The following SPAG16 variants were observed in gnomAD, a reference collection of about 807,000 sequenced individuals.
SPAG16 encodes the protein sperm associated antigen 16.
In SPAG16, 86 loss-of-function variants were observed where a neutral mutation model predicts 80.4. That is an observed-to-expected ratio of 1.07 (90% CI 0.90 to 1.28). The LOEUF (loss-of-function observed/expected upper bound fraction) is 1.28, where lower values mean the gene tolerates loss of function less well. SPAG16 is among the 50% of genes most tolerant of loss of function. SPAG16 has a pLI of 0.00. For missense variants in SPAG16, 870 were observed against 765.3 expected, an observed-to-expected ratio of 1.14 and a Z score of -1.61; for synonymous variants, 294 against 265.9, an observed-to-expected ratio of 1.11 and a Z score of -1.03.
intron 14 of SPAG16, among the ~76,000 whole-genome samples, chr2:214,139,770 T>C (rs927803981): frequency 5.3e-5 from 8 of 152,192 alleles, no homozygotes; most frequent in East Asian, 1.9e-4. Context: ...TAGGGCTTTT[T>C]TGAGGCCTGT....
chr2:213,962,226 C>T (rs2044474036), intron 12 of SPAG16, among the ~76,000 whole-genome samples: 1 of 150,378 alleles, frequency 6.6e-6, no homozygotes, highest in Non-Finnish European at 1.5e-5. Context: ...TGGAGTCTCA[C>T]TCTGTTGCCC....
At chr2:213,858,959 T>C (rs1461282413) in intron 10 of SPAG16, among the ~76,000 whole-genome samples, 1 of 151,518 alleles carries the variant, frequency 6.6e-6, no homozygotes, top group African/African-American at 2.4e-5. Context: ...GGTGGGCGGA[T>C]CATGAGGTCA....
chr2:213,655,460 C>G (rs966594930), intron 10 of SPAG16, among the ~76,000 whole-genome samples: 2 of 152,146 alleles, frequency 1.3e-5, no homozygotes, highest in Non-Finnish European at 2.9e-5. Flanking sequence ...TCAAAATACT[C>G]CACTGTTTTA....
chr2:213,365,701 G>T (rs368301888), intron 8 of SPAG16, among the ~76,000 whole-genome samples: 6 of 151,670 alleles, frequency 4.0e-5, no homozygotes, highest in South Asian at 2.1e-4. Flanking sequence ...GAAGTGATCC[G>T]CCTGCCTCAG....
In SPAG16 at chr2:213,885,407, G is replaced by A. The variant is rs1189917593; in HGVS notation, c.1214+22779G>A. ...ACCTCCTCACCAGGTCCATTCTTGG[G>A]CCTTTGAGGAGCCTCTGCTACTGAT... On this transcript the variant is annotated intron_variant, in intron 11 of 15. Transcript: ENST00000331683. Among the ~76,000 whole-genome samples, 3 of 152,108 alleles carry A rather than the reference G, an allele frequency of 2.0e-5. No individual in the cohort carries two copies. In the East Asian group the frequency reaches 5.8e-4, roughly 29 times the overall value.
intron 14 of SPAG16, among the ~76,000 whole-genome samples, chr2:214,124,306 A>G (rs896649887): frequency 6.6e-6 from 1 of 150,382 alleles, no homozygotes; most frequent in Non-Finnish European, 1.5e-5. Flanking sequence ...ATATTTGACC[A>G]CTCAGACAAC....
intron 5 of SPAG16, among the ~76,000 whole-genome samples, chr2:213,328,817 G>A (rs1369942715): frequency 6.6e-6 from 1 of 152,086 alleles, no homozygotes; most frequent in African/African-American, 2.4e-5. Context: ...CCTGTTGATT[G>A]GTTTGGCTGT....
intron 10 of SPAG16, among the ~76,000 whole-genome samples, chr2:213,561,186 G>A (rs1035022281): frequency 6.6e-6 from 1 of 152,082 alleles, no homozygotes; most frequent in Non-Finnish European, 1.5e-5. Context: ...CTTTTGTCCA[G>A]TTTCCTCCAT....
intron 15 of SPAG16, among the ~76,000 whole-genome samples, chr2:214,186,204 G>T (rs1377259680): frequency 2.0e-5 from 3 of 152,106 alleles, no homozygotes; most frequent in Non-Finnish European, 2.9e-5. Flanking sequence ...TTCCACCACA[G>T]AACTGTGTTG....
At chr2:213,608,635 C>T (rs1327447021) in intron 10 of SPAG16, among the ~76,000 whole-genome samples, 2 of 152,192 alleles carry the variant, frequency 1.3e-5, no homozygotes, top group East Asian at 3.8e-4. Context: ...AAGAAACATT[C>T]GTGTGTATGT....
chr2:214,207,938 G>A (rs2058190676), intron 15 of SPAG16, among the ~76,000 whole-genome samples: 1 of 152,180 alleles, frequency 6.6e-6, no homozygotes, highest in African/African-American at 2.4e-5. Context: ...TTTGCCAGAG[G>A]CTCTCAGGCC....
intron 15 of SPAG16, among the ~76,000 whole-genome samples, chr2:214,250,745 T>TAGAGAGAG (rs1398273243): frequency 2.3e-5 from 2 of 86,174 alleles, no homozygotes; most frequent in South Asian, 4.2e-4. Context: ...TATATATATA[T>TAGAGAGAG]ATATATATAT....
chr2:213,545,584 T>C (rs1476899376), intron 10 of SPAG16, among the ~76,000 whole-genome samples: 1 of 143,218 alleles, frequency 7.0e-6, no homozygotes, highest in Admixed American at 7.0e-5. Flanking sequence ...CTAGGAGTTT[T>C]ATAGTTTTAC....
At chr2:213,403,627 T>C (rs2068449842) in intron 9 of SPAG16, among the ~76,000 whole-genome samples, 1 of 152,162 alleles carries the variant, frequency 6.6e-6, no homozygotes, top group South Asian at 2.1e-4. Context: ...ACTGGAAGCA[T>C]TCCCTTTGAA....
intron 11 of SPAG16, among the ~76,000 whole-genome samples, chr2:213,884,804 A>G (rs1011267320): frequency 2.0e-5 from 3 of 152,160 alleles, no homozygotes; most frequent in Non-Finnish European, 4.4e-5. Flanking sequence ...CAATTGTATT[A>G]TGAAATTCTT....
intron 10 of SPAG16, among the ~76,000 whole-genome samples, chr2:213,851,988 T>C (rs1559521676): frequency 6.6e-6 from 1 of 152,240 alleles, no homozygotes; most frequent in Non-Finnish European, 1.5e-5. Flanking sequence ...TTTTTCACAT[T>C]TACTTAGCTG....
chr2:213,877,451 A>G (rs1347239007), intron 11 of SPAG16, among the ~76,000 whole-genome samples: 1 of 152,114 alleles, frequency 6.6e-6, no homozygotes, highest in Non-Finnish European at 1.5e-5. Context: ...CTGGGACCAC[A>G]GTCACACGCT....
intron 14 of SPAG16, among the ~76,000 whole-genome samples, chr2:214,147,425 C>T (rs2055706454): frequency 6.6e-6 from 1 of 152,056 alleles, no homozygotes; most frequent in Non-Finnish European, 1.5e-5. Flanking sequence ...AATGAAAGAA[C>T]ATCAAGTCCA....
chr2:213,799,247 T>C (rs1303540080), intron 10 of SPAG16, among the ~76,000 whole-genome samples: 4 of 152,188 alleles, frequency 2.6e-5, no homozygotes, highest in African/African-American at 9.6e-5. Context: ...TTAATTTCTT[T>C]CAGCAATGTT....
Sources: gnomAD v4.1 joint callset for allele counts (sites outside exome capture counted in the v4.1 genomes callset) on GRCh38, gnomAD v4.1.1 for gene constraint, MANE v1.5 for transcripts, NCBI Gene and HGNC (gene_info 2026-07-23, HGNC 2026-07-21) for gene names.